AK3: variants seen among roughly 807,000 people sequenced by gnomAD.
The protein encoded by AK3 is GTP:AMP phosphotransferase AK3, mitochondrial.
In AK3, 27 loss-of-function variants were observed where a neutral mutation model predicts 23.7. The ratio of observed to expected loss-of-function variants is 1.14; its 90% CI spans 0.84 to 1.57. The LOEUF (loss-of-function observed/expected upper bound fraction) is 1.57. Among genes scored for constraint, AK3 ranks in the 40% most tolerant of loss-of-function variants. AK3 has a pLI of 0.00. For missense variants in AK3, 406 were observed against 285.6 expected (o/e 1.42, Z -3.04); for synonymous variants, 159 against 116.0 (o/e 1.37, Z -2.38).
At chr9:4,716,442 A>C (rs2130874164) in intron 4 of AK3, among the ~76,000 whole-genome samples, 1 of 152,312 alleles carries the variant, frequency 6.6e-6, no homozygotes, top group East Asian at 1.9e-4. Context: ...ACAACCCTAT[A>C]AAGCAGATGC....
Position 4,711,977 on chromosome 9 carries a change from T to C in AK3, c.*999A>G, listed in dbSNP as rs1030183231. 1 of 152,178 alleles carries C rather than the reference T, an allele frequency of 6.6e-6. No homozygotes were observed. The highest frequency in any genetic ancestry group is 2.4e-5 in the African/African-American group (1 of 41,454). The allele number at this position is 152,178 out of a possible 1,614,324, so 9.4% of individuals were successfully genotyped here. A position where few individuals can be genotyped will look rare whatever the true frequency, so the allele number is the denominator to read the frequency against. ...ATTGCTATTTATGCCAAGGGAGCAT[T>C]TCCCAGGCATGCCTCATCTATTTAC... is the stretch of plus-strand genomic sequence containing the variant. On this transcript the variant is annotated 3_prime_UTR_variant, in exon 5 of 5. Coordinates refer to ENST00000381809, the MANE Select transcript of AK3 (RefSeq NM_016282.4).
intron 2 of AK3, among the ~76,000 whole-genome samples, chr9:4,719,933 C>T (rs1841849320): frequency 6.7e-6 from 1 of 148,320 alleles, no homozygotes. Flanking sequence ...GGCATGATGG[C>T]AGGTCCCTGT....
At chr9:4,728,517 C>G (rs451496) in intron 1 of AK3, among the ~76,000 whole-genome samples, 132,239 of 152,090 alleles carry the variant, frequency 0.87, 57,611 homozygotes, top group East Asian at 0.94. Context: ...GTTTCAGTGA[C>G]CTGAATAGCT....
chr9:4,721,340 T>G (rs1438466577), intron 2 of AK3, among the ~76,000 whole-genome samples: 1 of 150,950 alleles, frequency 6.6e-6, no homozygotes, highest in African/African-American at 2.4e-5. Context: ...GAGGAAGAGG[T>G]TGCAGTGAGA....
intron 3 of AK3, 122 bp from the exon 4 acceptor site, chr9:4,718,659 C>G: frequency 1.4e-6 from 1 of 732,526 alleles, no homozygotes; most frequent in East Asian, 2.7e-5. Flanking sequence ...AATGTGCTAA[C>G]TTTTAAAAAA....
At chr9:4,723,457 T>A (rs772372092) in intron 1 of AK3, among the ~76,000 whole-genome samples, 1 of 152,234 alleles carries the variant, frequency 6.6e-6, no homozygotes, top group Non-Finnish European at 1.5e-5. Flanking sequence ...GATTATGTTA[T>A]ATTTTTATTA....
intron 4 of AK3, 30 bp from the exon 5 acceptor site, chr9:4,713,126 C>T (rs781448075): frequency 2.5e-6 from 4 of 1,611,282 alleles, no homozygotes; most frequent in South Asian, 1.1e-5. Context: ...AAAACAAACA[C>T]ACACAGGTCT....
Position 4,709,698 on chromosome 9 carries a change from G to A in AK3, c.*3278C>T, listed in dbSNP as rs936652613. On this transcript the variant is annotated 3_prime_UTR_variant, in exon 5 of 5. Transcript: ENST00000381809. ...TACTGGCTTTTACCAGAAGCTTTAA[G>A]CACAGCTACACTATTTTAACTGTTT... is the stretch of plus-strand genomic sequence containing the variant. 4 of 152,184 alleles carry A rather than the reference G, an allele frequency of 2.6e-5. No homozygotes were observed. Among genetic ancestry groups the A allele is most frequent in the African/African-American group, 9.7e-5 (4 of 41,448 alleles). 9.4% of individuals were successfully genotyped at this position (152,184 alleles called of 1,614,324 possible). A position where few individuals can be genotyped will look rare whatever the true frequency, so the allele number is the denominator to read the frequency against.
intron 1 of AK3, among the ~76,000 whole-genome samples, chr9:4,723,002 C>G (rs1280873365): frequency 6.6e-6 from 1 of 152,184 alleles, no homozygotes; most frequent in Non-Finnish European, 1.5e-5. Context: ...ACCCAGGAGG[C>G]AGAGGTTGCA....
At chr9:4,723,658 T>A (rs72695859) in intron 1 of AK3, among the ~76,000 whole-genome samples, 228 of 152,366 alleles carry the variant, frequency 1.5e-3, no homozygotes, top group Non-Finnish European at 2.2e-3. Context: ...TAGCATTATT[T>A]AATAAATACT....
intron 4 of AK3, among the ~76,000 whole-genome samples, chr9:4,713,816 G>T (rs1023493123): frequency 9.7e-5 from 13 of 134,516 alleles, no homozygotes; most frequent in Non-Finnish European, 2.0e-4. Flanking sequence ...AGAATCCTGG[G>T]GGTGCTTTTC....
intron 2 of AK3, among the ~76,000 whole-genome samples, chr9:4,721,406 TAA>T (rs770712533): frequency 1.4e-4 from 16 of 117,150 alleles, no homozygotes; most frequent in Admixed American, 1.7e-4. Flanking sequence ...CTGTCTCCAT[TAA>T]AAAAAAAAAA....
intron 1 of AK3, among the ~76,000 whole-genome samples, chr9:4,736,215 T>C (rs1254398975): frequency 6.6e-6 from 1 of 151,942 alleles, no homozygotes; most frequent in Non-Finnish European, 1.5e-5. Flanking sequence ...ATACATTATA[T>C]GGTATGTTAA....
At chr9:4,729,716 A>C (rs970100986) in intron 1 of AK3, among the ~76,000 whole-genome samples, 1 of 151,528 alleles carries the variant, frequency 6.6e-6, no homozygotes, top group Non-Finnish European at 1.5e-5. Context: ...AGTCCCAGCT[A>C]CTTGGGAGGC....
Position 4,738,365 on chromosome 9 carries a change from C to T in AK3, c.151+2572G>A, listed in dbSNP as rs1037434307. Among the ~76,000 whole-genome samples the T allele has an allele frequency of 3.3e-5, 5 of 152,090 alleles. 1 individual carries two copies. Among genetic ancestry groups the T allele is most frequent in the Admixed American group, 3.3e-4 (5 of 15,254 alleles). ...ATTTTTAGTAGAGACAGGGTTTTGC[C>T]ATGTTGGCCAGGCTGGTCTTGAACT... On this transcript the variant is annotated intron_variant, in intron 1 of 4. Transcript: ENST00000381809.
At chr9:4,717,741 T>G (rs978057924) in intron 4 of AK3, among the ~76,000 whole-genome samples, 1 of 152,212 alleles carries the variant, frequency 6.6e-6, no homozygotes, top group Admixed American at 6.5e-5. Flanking sequence ...AAAACAGGCT[T>G]TGTGTTAGAT....
At chr9:4,740,649 G>A (rs1214707000) in intron 1 of AK3, among the ~76,000 whole-genome samples, 1 of 152,126 alleles carries the variant, frequency 6.6e-6, no homozygotes, top group Non-Finnish European at 1.5e-5. Context: ...GGGAGGACTT[G>A]GGCCTCTGAA....
chr9:4,721,560 G>A (rs1380238103), intron 2 of AK3, among the ~76,000 whole-genome samples: 3 of 149,708 alleles, frequency 2.0e-5, no homozygotes, highest in Non-Finnish European at 4.4e-5. Flanking sequence ...CCCAGTTCAA[G>A]CAATTCCCCT....
intron 4 of AK3, among the ~76,000 whole-genome samples, chr9:4,717,529 C>G (rs971482940): frequency 6.6e-6 from 1 of 152,182 alleles, no homozygotes; most frequent in African/African-American, 2.4e-5. Context: ...GTTTGCCTCC[C>G]CAGCATTCAT....
Sources: gnomAD v4.1 joint callset for allele counts (sites outside exome capture counted in the v4.1 genomes callset) on GRCh38, gnomAD v4.1.1 for gene constraint, MANE v1.5 for transcripts, NCBI Gene and HGNC (gene_info 2026-07-23, HGNC 2026-07-21) for gene names.